The following MYLK variants were observed in gnomAD, a reference collection of about 807,000 sequenced individuals.
MYLK encodes myosin light chain kinase, smooth muscle.
A neutral mutation model predicts 203.4 loss-of-function variants in MYLK; 106 were observed. The observed-to-expected ratio is 0.52, with a 90% confidence interval of 0.45 to 0.61. The LOEUF is 0.61. Among genes scored for constraint, MYLK ranks in the 20% least tolerant of loss-of-function variants. The probability of loss-of-function intolerance (pLI) is 0.00; values close to 1 mark genes in which losing one functional copy is unlikely to be tolerated. For synonymous variants in MYLK, 867 were observed against 959.5 expected (o/e 0.90, Z 1.78); for missense variants, 2,072 against 2,442.3 (o/e 0.85, Z 3.20).
intron 13 of MYLK, among the ~76,000 whole-genome samples, chr3:123,718,516 C>T (rs1413346539): frequency 6.6e-6 from 1 of 152,212 alleles, no homozygotes; most frequent in Non-Finnish European, 1.5e-5. Context: ...CACACTGCCC[C>T]GTCTACTTTG....
intron 23 of MYLK, 102 bp from the exon 24 acceptor site, chr3:123,657,530 C>T: frequency 8.2e-7 from 1 of 1,213,632 alleles, no homozygotes; most frequent in Non-Finnish European, 1.2e-6. Flanking sequence ...CCTAGAGAAC[C>T]CAATCCAAAG....
chr3:123,701,656 G>A, intron 16 of MYLK, 147 bp from the exon 17 acceptor site: 1 of 752,952 alleles, frequency 1.3e-6, no homozygotes, highest in South Asian at 1.5e-5. Flanking sequence ...TTAGATTTAG[G>A]GCAGGACCCT....
chr3:123,676,078 T>G (rs12637836), intron 20 of MYLK, among the ~76,000 whole-genome samples: 7,613 of 152,306 alleles, frequency 0.05, 327 homozygotes, highest in South Asian at 0.14. Flanking sequence ...GAAAGAGGTG[T>G]GCTGGGCCAG....
chr3:123,630,256 T>G (rs1447680081), intron 29 of MYLK, among the ~76,000 whole-genome samples: 1 of 152,228 alleles, frequency 6.6e-6, no homozygotes, highest in African/African-American at 2.4e-5. Context: ...GCCTCTCCGC[T>G]TGCTGTATGG....
At chr3:123,790,115 C>T (rs540200098) in intron 4 of MYLK, among the ~76,000 whole-genome samples, 18 of 152,316 alleles carry the variant, frequency 1.2e-4, no homozygotes, top group African/African-American at 3.6e-4. Context: ...CCCCTGCCCC[C>T]AAACAATCCT....
chr3:123,638,122 G>A lies in MYLK; in HGVS notation c.4910C>T (p.Pro1637Leu). Residue 1637 changes from proline (P) to leucine (L), a missense_variant, in exon 29 of 34, where the codon CCC becomes CTC. Physicochemically the swap from Pro to Leu is moderately conservative, Grantham distance 98 (BLOSUM62 -3). Transcript: ENST00000360304. Reference sequence around the variant, plus strand: ...CCACATGTCTGTGGCGTAGCCGATGGGCTCATAGTTGATCACTTCAGGAGC... The same window carrying A: ...CCACATGTCTGTGGCGTAGCCGATGAGCTCATAGTTGATCACTTCAGGAGC... ...FVAPEVINYEPIGYATDMWSI... is the reference protein window; with the variant it reads ...FVAPEVINYELIGYATDMWSI... 6.2e-7 allele frequency: 1 copy of A among 1,614,136 alleles called. No homozygotes were observed. Among genetic ancestry groups the A allele is most frequent in the Non-Finnish European group, 8.5e-7 (1 of 1,180,022 alleles).
At chr3:123,670,905 A>G (rs544269891) in intron 20 of MYLK, among the ~76,000 whole-genome samples, 49 of 152,268 alleles carry the variant, frequency 3.2e-4, no homozygotes, top group Non-Finnish European at 5.3e-4. Context: ...TCAAATGCTA[A>G]GCTCACGAGC....
chr3:123,720,387 T>C (rs60819359), intron 13 of MYLK, among the ~76,000 whole-genome samples: 7,319 of 150,086 alleles, frequency 0.049, 437 homozygotes, highest in African/African-American at 0.17. Context: ...ATTGGATTAG[T>C]CCTTGGCTGT....
At position 123,681,736 on chromosome 3, in the gene MYLK, T is replaced by A. The variant is rs538774985; in HGVS notation, c.3652+488A>T. 64 of 202,464 alleles carry A rather than the reference T, an allele frequency of 3.2e-4. No homozygotes were observed. The South Asian group carries it at 4.9e-3, about 16-fold the overall frequency. The allele number at this position is 202,464 out of a possible 1,614,324, so 12.5% of individuals were successfully genotyped here. ...GGCAGGCCACATGTGGGACCACGTG[T>A]GCACATGCGAGCTAGGTATGTCCTC... is the stretch of plus-strand genomic sequence containing the variant. On this transcript the variant is annotated intron_variant, in intron 20 of 33. Coordinates refer to ENST00000360304, the MANE Select transcript of MYLK (RefSeq NM_053025.4).
At chr3:123,839,205 C>T (rs1215873261) in intron 2 of MYLK, among the ~76,000 whole-genome samples, 1 of 152,004 alleles carries the variant, frequency 6.6e-6, no homozygotes, top group African/African-American at 2.4e-5. Flanking sequence ...TAGTTTTAAT[C>T]CAATCATATC....
chr3:123,617,527 T>C (rs1008163810), intron 33 of MYLK: 1 of 152,244 alleles, frequency 6.6e-6, no homozygotes, highest in African/African-American at 2.4e-5. Flanking sequence ...AGAAAAACTA[T>C]TTTTTCCATT....
rs767799002 is a variant in MYLK, at chr3:123,793,775, T to C, written c.67A>G (p.Arg23Gly). The part of the protein sequence containing the change: ...SKTSLSVDPS[R>G]VDSMPLTEAP... ...TCTGTCAGGGGCATGGAGTCAACTC[T>C]TGAGGGATCCACACTGAGGGAGGTT... Residue 23 changes from arginine (R) to glycine (G), a missense_variant, in exon 4 of 34, where the codon AGA (arginine) becomes GGA (glycine). Coordinates refer to ENST00000360304, the MANE Select transcript of MYLK (RefSeq NM_053025.4). 1.2e-5 allele frequency: 20 copies of C among 1,613,500 alleles called. No homozygotes were observed. In the South Asian group the frequency reaches 1.4e-4, roughly 12 times the overall value.
At chr3:123,775,501 TAG>T (rs963046833) in intron 4 of MYLK, among the ~76,000 whole-genome samples, 3 of 152,200 alleles carry the variant, frequency 2.0e-5, no homozygotes, top group African/African-American at 7.2e-5. Context: ...GCACCTATTT[TAG>T]AGTCAGTACA....
chr3:123,618,499 A>G (rs1304965037), intron 33 of MYLK, 140 bp downstream of exon 33: 1 of 1,161,740 alleles, frequency 8.6e-7, no homozygotes, highest in African/African-American at 1.5e-5. Flanking sequence ...GCTCCTGCTG[A>G]CCCAGTTTCC....
At chr3:123,656,526 T>C (rs894760430) in intron 24 of MYLK, among the ~76,000 whole-genome samples, 9 of 152,178 alleles carry the variant, frequency 5.9e-5, no homozygotes, top group Non-Finnish European at 1.2e-4. Context: ...GTAGAGTGCC[T>C]TTCCTTATCT....
intron 33 of MYLK, chr3:123,617,998 C>G (rs904722202): frequency 1.3e-5 from 2 of 153,252 alleles, no homozygotes; most frequent in African/African-American, 4.8e-5. Flanking sequence ...TGGCCTCAGT[C>G]TGAAGTCACA....
At chr3:123,820,652 T>TTCCTTCCTTCCTTCCTTCCCTCCC (rs1560259959) in intron 3 of MYLK, among the ~76,000 whole-genome samples, 70 of 113,926 alleles carry the variant, frequency 6.1e-4, no homozygotes, top group African/African-American at 2.0e-3. Flanking sequence ...CCCTCCTTCC[T>TTCCTTCCTTCCTTCCTTCCCTCCC]TCCTTCCTTC....
chr3:123,818,947 C>T (rs2065833077), intron 3 of MYLK, among the ~76,000 whole-genome samples: 2 of 152,150 alleles, frequency 1.3e-5, no homozygotes, highest in Non-Finnish European at 2.9e-5. Flanking sequence ...ACAAGTCCTC[C>T]ACCTAGATAT....
At chr3:123,732,690 G>A (rs1011516868) in intron 11 of MYLK, among the ~76,000 whole-genome samples, 1 of 152,158 alleles carries the variant, frequency 6.6e-6, no homozygotes, top group African/African-American at 2.4e-5. Context: ...TGTTTATTTT[G>A]AGGTGATTCT....
Sources: allele counts gnomAD v4.1 joint callset (sites outside exome capture counted in the v4.1 genomes callset), GRCh38; gene constraint gnomAD v4.1.1; transcripts MANE v1.5; gene names NCBI Gene and HGNC (gene_info 2026-07-23, HGNC 2026-07-21).